Variants in FHIT observed in about 807,000 individuals in gnomAD.
FHIT encodes the protein fragile histidine triad diadenosine triphosphatase.
A neutral mutation model predicts 17.9 loss-of-function variants in FHIT; 19 were observed. That is an observed-to-expected ratio of 1.06 (90% CI 0.74 to 1.56). The LOEUF (loss-of-function observed/expected upper bound fraction) is 1.56. Ranked by LOEUF, FHIT falls within the 40% of genes most tolerant of loss-of-function variation. FHIT has a pLI of 0.00. For missense variants in FHIT, 248 were observed against 189.2 expected (o/e 1.31, Z -1.82); for synonymous variants, 81 against 69.7 (o/e 1.16, Z -0.81).
At chr3:60,557,076 C>A (rs1260814625) in intron 4 of FHIT, among the ~76,000 whole-genome samples, 1 of 152,158 alleles carries the variant, frequency 6.6e-6, no homozygotes, top group African/African-American at 2.4e-5. Flanking sequence ...ATTCCTGTAG[C>A]CCTTGCTATA....
chr3:60,188,412 A>C (rs1156409513), intron 5 of FHIT, among the ~76,000 whole-genome samples: 1 of 152,084 alleles, frequency 6.6e-6, no homozygotes, highest in Non-Finnish European at 1.5e-5. Flanking sequence ...TTAGTTGAAA[A>C]AGTGACTGTA....
At chr3:60,071,861 G>A (rs1252385706) in intron 5 of FHIT, among the ~76,000 whole-genome samples, 1 of 152,154 alleles carries the variant, frequency 6.6e-6, no homozygotes, top group Non-Finnish European at 1.5e-5. Context: ...TAAGTCTAAT[G>A]AGATCTGATG....
At chr3:60,841,191 G>C (rs1702715171) in intron 3 of FHIT, among the ~76,000 whole-genome samples, 1 of 152,150 alleles carries the variant, frequency 6.6e-6, no homozygotes, top group Non-Finnish European at 1.5e-5. Flanking sequence ...AAGTTGTCTT[G>C]TTTAGAAGAA....
intron 5 of FHIT, among the ~76,000 whole-genome samples, chr3:60,494,259 T>C (rs914720854): frequency 1.2e-4 from 18 of 152,340 alleles, no homozygotes; most frequent in Admixed American, 9.8e-4. Context: ...GCTACCTCTA[T>C]GACTTTGCCA....
intron 5 of FHIT, among the ~76,000 whole-genome samples, chr3:60,159,322 T>G (rs1409501323): frequency 2.0e-5 from 3 of 152,116 alleles, no homozygotes. Flanking sequence ...GGTTTTGCCA[T>G]GTTACCCAGG....
intron 5 of FHIT, among the ~76,000 whole-genome samples, chr3:60,528,540 T>C (rs2035657007): frequency 6.6e-6 from 1 of 152,168 alleles, no homozygotes; most frequent in Non-Finnish European, 1.5e-5. Context: ...GTGAGGAAGA[T>C]GACCATTTGA....
At chr3:59,750,079 C>T (rs1384984085) in intron 9 of FHIT, 1 of 225,560 alleles carries the variant, frequency 4.4e-6, no homozygotes, top group African/African-American at 2.2e-5. Flanking sequence ...GGGTAAATAT[C>T]TTTCTGGTAA....
intron 4 of FHIT, among the ~76,000 whole-genome samples, chr3:60,673,609 C>G (rs1553694564): frequency 6.6e-6 from 1 of 152,048 alleles, no homozygotes; most frequent in African/African-American, 2.4e-5. Context: ...TTGATAGGTA[C>G]AGCAAACCAC....
intron 3 of FHIT, among the ~76,000 whole-genome samples, chr3:61,036,315 G>A (rs1024493043): frequency 7.3e-5 from 11 of 150,956 alleles, no homozygotes; most frequent in East Asian, 1.9e-4. Flanking sequence ...TGAGGGATCA[G>A]CCCCCCCTGA....
At position 60,820,421 on chromosome 3, in the gene FHIT, T is replaced by G. The variant is rs782401461; in HGVS notation, c.-18+1498A>C. Among the ~76,000 whole-genome samples, 7 of 152,222 alleles carry G rather than the reference T, an allele frequency of 4.6e-5. 1 individual carries two copies. The highest frequency in any genetic ancestry group is 1.0e-4 in the Non-Finnish European group (7 of 68,032). ...GGCACATAACACCAGTGCTCCATTT[T>G]ACCTCATTTCATTTACTGCCTTTAA... On this transcript the variant is annotated intron_variant, in intron 4 of 9. Coordinates refer to ENST00000492590, the MANE Select transcript of FHIT (RefSeq NM_002012.4).
chr3:60,586,274 T>C (rs1242561835), intron 4 of FHIT, among the ~76,000 whole-genome samples: 1 of 152,006 alleles, frequency 6.6e-6, no homozygotes, highest in African/African-American at 2.4e-5. Context: ...TCCTGTGAAA[T>C]AACCTCCCCC....
At chr3:60,396,151 T>C (rs1701431263) in intron 5 of FHIT, among the ~76,000 whole-genome samples, 2 of 152,168 alleles carry the variant, frequency 1.3e-5, no homozygotes, top group Non-Finnish European at 2.9e-5. Flanking sequence ...GTGCCTACTG[T>C]CTGGCCCTCT....
At chr3:60,379,848 A>C (rs1700726160) in intron 5 of FHIT, among the ~76,000 whole-genome samples, 1 of 152,220 alleles carries the variant, frequency 6.6e-6, no homozygotes, top group African/African-American at 2.4e-5. Flanking sequence ...AAGAATACCT[A>C]GGTTGAAGAA....
chr3:60,938,343 T>C (rs1328384130), intron 3 of FHIT, among the ~76,000 whole-genome samples: 1 of 152,158 alleles, frequency 6.6e-6, no homozygotes, highest in Non-Finnish European at 1.5e-5. Flanking sequence ...ATCCACACTT[T>C]ACATGGTCCC....
intron 5 of FHIT, among the ~76,000 whole-genome samples, chr3:60,058,418 C>T (rs965291297): frequency 2.6e-5 from 4 of 152,056 alleles, no homozygotes; most frequent in Non-Finnish European, 4.4e-5. Flanking sequence ...CGTGAGCCAC[C>T]GTGCTGACCG....
chr3:60,996,089 A>C (rs2030654072), intron 3 of FHIT, among the ~76,000 whole-genome samples: 1 of 152,222 alleles, frequency 6.6e-6, no homozygotes, highest in South Asian at 2.1e-4. Context: ...TTGTGGGCTT[A>C]GGAATGTAAT....
In FHIT at chr3:60,225,116, A is replaced by T. The variant is rs375315051; in HGVS notation, c.104-210964T>A. ...ATTTCGTCATTACTAAGTCCTTCAT[A>T]GCATTTTGTGTTCGTCTCTCTTACA... On this transcript the variant is annotated intron_variant, in intron 5 of 9. Coordinates refer to ENST00000492590, the MANE Select transcript of FHIT (RefSeq NM_002012.4). Among the ~76,000 whole-genome samples the T allele has an allele frequency of 4.6e-5, 7 of 152,330 alleles. No homozygotes were observed. The East Asian group carries it at 7.7e-4, about 17-fold the overall frequency.
intron 4 of FHIT, among the ~76,000 whole-genome samples, chr3:60,692,146 G>A (rs1412202013): frequency 2.6e-5 from 4 of 152,132 alleles, no homozygotes; most frequent in Admixed American, 6.5e-5. Flanking sequence ...GACTCATCTT[G>A]TATCACTACC....
chr3:59,759,428 T>C (rs1701388966), intron 8 of FHIT, among the ~76,000 whole-genome samples: 1 of 152,306 alleles, frequency 6.6e-6, no homozygotes, highest in East Asian at 1.9e-4. Flanking sequence ...GTTAGCGTCA[T>C]GGCCACTAAG....
Sources: gnomAD v4.1 joint callset for allele counts (sites outside exome capture counted in the v4.1 genomes callset) on GRCh38, gnomAD v4.1.1 for gene constraint, MANE v1.5 for transcripts, NCBI Gene and HGNC (gene_info 2026-07-23, HGNC 2026-07-21) for gene names.